SLC38A10: variants seen among roughly 807,000 people sequenced by gnomAD.
SLC38A10 encodes solute carrier family 38 member 10.
In SLC38A10, 53 loss-of-function variants were observed where a neutral mutation model predicts 81.0. That is an observed-to-expected ratio of 0.65 (90% CI 0.53 to 0.82). The LOEUF is 0.82. SLC38A10 is among the 40% of genes least tolerant of loss of function. The pLI, the probability that SLC38A10 is intolerant of heterozygous loss-of-function variation, is 0.00. For synonymous variants in SLC38A10, 665 were observed against 655.3 expected, an observed-to-expected ratio of 1.01 and a Z score of -0.23; for missense variants, 1,471 against 1,545.0, an observed-to-expected ratio of 0.95 and a Z score of 0.80.
chr17:81,255,260 T>G (rs1042849201), intron 11 of SLC38A10, among the ~76,000 whole-genome samples: 2 of 152,256 alleles, frequency 1.3e-5, no homozygotes, highest in African/African-American at 4.8e-5. Flanking sequence ...AGGGCTGCAC[T>G]CACAGCCTTC....
rs1567945014 is a variant in SLC38A10, at chr17:81,281,573, G to A, written c.501+616C>T. Among the ~76,000 whole-genome samples, 3 of 152,008 alleles carry A rather than the reference G, an allele frequency of 2.0e-5. No homozygotes were observed. The highest frequency in any genetic ancestry group is 2.1e-4 in the South Asian group (1 of 4,824). ...GGGTGGGTAACAAGGTCAGGAGTTC[G>A]AGACCAGCCTGGCCAAGATGGTGAA... is the stretch of plus-strand genomic sequence containing the variant. On this transcript the variant is annotated intron_variant, in intron 5 of 15. Transcript: ENST00000374759. The surrounding 1 kb of genome is among the most constrained non-coding windows in gnomAD (Gnocchi z 5.3).
At chr17:81,293,993 C>T (rs1245885260) in intron 1 of SLC38A10, among the ~76,000 whole-genome samples, 8 of 152,166 alleles carry the variant, frequency 5.3e-5, no homozygotes, top group African/African-American at 1.9e-4. Context: ...AACGTCTGCA[C>T]ACATTAGATC....
chr17:81,271,748 ATTTTTT>A (rs756214430), intron 9 of SLC38A10, among the ~76,000 whole-genome samples: 1 of 121,148 alleles, frequency 8.3e-6, no homozygotes, highest in Non-Finnish European at 1.7e-5. Flanking sequence ...AAGCTGACAG[ATTTTTT>A]TTTTTTTTTT....
At chr17:81,262,796 G>A (rs2063035134) in intron 10 of SLC38A10, 1 of 152,226 alleles carries the variant, frequency 6.6e-6, no homozygotes, top group Admixed American at 6.5e-5. Flanking sequence ...AAAGACATTG[G>A]TTGGTCATTT....
rs2146915484 is a variant in SLC38A10 at position 81,265,651 on chromosome 17, G to A, written c.1132-5257C>T. Among the ~76,000 whole-genome samples, 1 of 152,350 alleles carries A rather than the reference G, an allele frequency of 6.6e-6. No homozygotes were observed. Among genetic ancestry groups the A allele is most frequent in the Admixed American group, 6.5e-5 (1 of 15,304 alleles). ...CCATATCGCTGAGAGTACTCAGACA[G>A]GCCAAGGCACAGATCCAGGCCTGTG... is the stretch of plus-strand genomic sequence containing the variant. On this transcript the variant is annotated intron_variant, in intron 10 of 15. Transcript: ENST00000374759. This position sits in a 1 kb window ranked among gnomAD's most constrained non-coding sequence, Gnocchi z 4.2.
At chr17:81,271,836 C>T (rs2063118505) in intron 9 of SLC38A10, among the ~76,000 whole-genome samples, 1 of 149,404 alleles carries the variant, frequency 6.7e-6, no homozygotes, top group African/African-American at 2.5e-5. Context: ...ACGCCATTCT[C>T]CTGCCTCAGC....
intron 1 of SLC38A10, among the ~76,000 whole-genome samples, chr17:81,291,054 C>A (rs2063305920): frequency 6.6e-6 from 1 of 152,032 alleles, no homozygotes; most frequent in African/African-American, 2.4e-5. Flanking sequence ...CTACCTCCAT[C>A]GAGGTGACAC....
intron 10 of SLC38A10, 75 bp from the exon 11 acceptor site, chr17:81,260,469 G>C: frequency 6.7e-7 from 1 of 1,500,460 alleles, no homozygotes. Flanking sequence ...AACTGGCCTG[G>C]CAGAGAGGCT....
intron 11 of SLC38A10, among the ~76,000 whole-genome samples, chr17:81,257,446 T>G (rs146279582): frequency 1.3e-5 from 2 of 152,238 alleles, no homozygotes; most frequent in East Asian, 3.9e-4. Context: ...CCTCTCCTCC[T>G]CTTATAATTT....
At chr17:81,271,601 TCA>T (rs141287238) in intron 9 of SLC38A10, among the ~76,000 whole-genome samples, 45 of 152,276 alleles carry the variant, frequency 3.0e-4, no homozygotes, top group African/African-American at 1.0e-3. Context: ...TGGTAATGCA[TCA>T]CCAAAATCAG....
chr17:81,279,415 G>C (rs1302651105), intron 6 of SLC38A10, among the ~76,000 whole-genome samples: 1 of 152,256 alleles, frequency 6.6e-6, no homozygotes, highest in Non-Finnish European at 1.5e-5. Flanking sequence ...TGGGAGGGAA[G>C]AGATGTCTCT....
chr17:81,256,135 C>G (rs980119786), intron 11 of SLC38A10, among the ~76,000 whole-genome samples: 2 of 152,248 alleles, frequency 1.3e-5, no homozygotes, highest in African/African-American at 4.8e-5. Context: ...AAAACACACA[C>G]CTTCCTAACA....
In SLC38A10 at chr17:81,252,342, C is replaced by T; in HGVS notation, c.1798G>A (p.Asp600Asn). The T allele has an allele frequency of 6.2e-7, 1 of 1,613,030 alleles. No homozygotes were observed. Among genetic ancestry groups the T allele is most frequent in the South Asian group, 1.1e-5 (1 of 91,076 alleles). The change falls in exon 13 of 16, where the codon GAC becomes AAC. Residue 600 changes from aspartate (D) to asparagine (N), a missense_variant. Asp to Asn is a conservative substitution (Grantham distance 23). Transcript: ENST00000374759. ...TGGGGCCGAGGATGCAGGCCCCTGTCTCCTGGCCCCAGGTCCTCCTTTGCA... is the reference window on the plus strand; with the variant it reads ...TGGGGCCGAGGATGCAGGCCCCTGTTTCCTGGCCCCAGGTCCTCCTTTGCA... ...QPAKEDLGPG[D>N]RGLHPRPQAV... is the part of the protein sequence containing the mutation.
intron 5 of SLC38A10, 147 bp from the exon 6 acceptor site, chr17:81,280,880 T>C (rs2063205892): frequency 1.1e-6 from 1 of 896,018 alleles, no homozygotes; most frequent in Non-Finnish European, 1.6e-6. Flanking sequence ...TGTGCCGCCC[T>C]GTGCCGCCTT....
chr17:81,246,398 C>CA lies in SLC38A10; in HGVS notation c.2517dup (p.Ala840CysfsTer127), dbSNP rs2062851763. 6.2e-7 allele frequency: 1 copy of CA among 1,600,198 alleles called. No individual in the cohort carries two copies. The highest frequency in any genetic ancestry group is 8.5e-7 in the Non-Finnish European group (1 of 1,175,178). ...ACAGTGCCAGCTGCCCTGGGGGCGG[C>CA]ATCCTTCTGGCCATCTCTCAGCTTG... On this transcript the variant is annotated frameshift_variant, in exon 16 of 16. Transcript: ENST00000374759. LOFTEE classifies it low-confidence loss of function (END_TRUNC).
intron 13 of SLC38A10, 114 bp from the exon 14 acceptor site, chr17:81,251,726 GT>G: frequency 8.5e-7 from 1 of 1,170,754 alleles, no homozygotes; most frequent in Non-Finnish European, 1.1e-6. Context: ...TGTTTCTAAA[GT>G]GACACCCCCG....
intron 1 of SLC38A10, among the ~76,000 whole-genome samples, chr17:81,292,417 G>A (rs1251871970): frequency 2.0e-5 from 3 of 151,524 alleles, no homozygotes; most frequent in African/African-American, 7.3e-5. Flanking sequence ...GAGCCAACAC[G>A]CCCAGCTATG....
chr17:81,286,898 G>C lies in SLC38A10; in HGVS notation c.218-2003C>G, dbSNP rs984550995. ...TTTCTAGCCCAGACCACGCATGCCA[G>C]GGTTCAGGCACAACTCTCAACAGGG... On this transcript the variant is annotated intron_variant, in intron 2 of 15. Transcript: ENST00000374759. This position sits in a 1 kb window ranked among gnomAD's most constrained non-coding sequence, Gnocchi z 6.0. Among the ~76,000 whole-genome samples the C allele has an allele frequency of 6.6e-6, 1 of 152,172 alleles. No homozygotes were observed. Among genetic ancestry groups the C allele is most frequent in the Non-Finnish European group, 1.5e-5 (1 of 68,030 alleles).
At chr17:81,279,378 G>A (rs1250226220) in intron 6 of SLC38A10, among the ~76,000 whole-genome samples, 2 of 152,238 alleles carry the variant, frequency 1.3e-5, no homozygotes, top group South Asian at 2.1e-4. Context: ...ACCCAACAGG[G>A]ACAGGCACTC....
Sources: allele counts gnomAD v4.1 joint callset (sites outside exome capture counted in the v4.1 genomes callset), GRCh38; gene constraint gnomAD v4.1.1; non-coding constraint Gnocchi (gnomAD v3.1); transcripts MANE v1.5; gene names NCBI Gene and HGNC (gene_info 2026-07-23, HGNC 2026-07-21).